Variants in SCHIP1 observed in about 807,000 individuals in gnomAD.
The protein encoded by SCHIP1 is schwannomin interacting protein 1, also known as schwannomin-interacting protein 1.
A neutral mutation model predicts 29.7 loss-of-function variants in SCHIP1; 8 were observed. The ratio of observed to expected loss-of-function variants is 0.27; its 90% CI spans 0.16 to 0.49. The LOEUF (loss-of-function observed/expected upper bound fraction) is 0.49. Ranked by LOEUF, SCHIP1 falls within the 20% of genes least tolerant of loss-of-function variation. The pLI, the probability that SCHIP1 is intolerant of heterozygous loss-of-function variation, is 0.99. For missense variants in SCHIP1, 193 were observed against 294.6 expected, an observed-to-expected ratio of 0.66 and a Z score of 2.52; for synonymous variants, 76 against 94.9, an observed-to-expected ratio of 0.80 and a Z score of 1.16.
At chr3:159,397,821 G>C in the SCHIP1 span, among the ~76,000 whole-genome samples, 5 of 152,362 alleles carry the variant, frequency 3.3e-5, no homozygotes, top group African/African-American at 1.2e-4. Context: ...AAGGCAGGCA[G>C]GCAGGCCTCT....
At chr3:159,426,004 G>C in the SCHIP1 span, among the ~76,000 whole-genome samples, 1 of 152,084 alleles carries the variant, frequency 6.6e-6, no homozygotes, top group Non-Finnish European at 1.5e-5. Flanking sequence ...CAAGAACAAA[G>C]ACACAACATA....
At chr3:159,345,554 T>TCTCTCTCTC in the SCHIP1 span, among the ~76,000 whole-genome samples, 517 of 93,500 alleles carry the variant, frequency 5.5e-3, 7 homozygotes, top group African/African-American at 0.019. Flanking sequence ...GTGTCTCTCT[T>TCTCTCTCTC]TCTCTCTCTC....
chr3:159,679,656 G>C, the SCHIP1 span, among the ~76,000 whole-genome samples: 19 of 152,178 alleles, frequency 1.2e-4, no homozygotes, highest in African/African-American at 4.6e-4. Context: ...AAAAAGGGAG[G>C]GGGATTTTTT....
chr3:159,568,211 T>A, the SCHIP1 span, among the ~76,000 whole-genome samples: 1 of 152,086 alleles, frequency 6.6e-6, no homozygotes, highest in Non-Finnish European at 1.5e-5. Context: ...TGCTCTTGGG[T>A]TTTCTATGCT....
At chr3:159,399,695 G>GAGAT in the SCHIP1 span, among the ~76,000 whole-genome samples, 1 of 152,058 alleles carries the variant, frequency 6.6e-6, no homozygotes, top group African/African-American at 2.4e-5. Flanking sequence ...ATATATATTA[G>GAGAT]AGATAGGGTC....
At chr3:159,448,633 C>A in the SCHIP1 span, among the ~76,000 whole-genome samples, 308 of 152,126 alleles carry the variant, frequency 2.0e-3, 2 homozygotes, top group Non-Finnish European at 3.3e-3. Context: ...ACCAAGAGAA[C>A]TTTCTTTGCA....
At chr3:159,616,694 A>C in the SCHIP1 span, among the ~76,000 whole-genome samples, 1 of 152,174 alleles carries the variant, frequency 6.6e-6, no homozygotes, top group Admixed American at 6.5e-5. Context: ...AAATAACCCC[A>C]AAACCTTAAT....
the SCHIP1 span, among the ~76,000 whole-genome samples, chr3:159,391,546 C>G: frequency 6.6e-6 from 1 of 152,136 alleles, no homozygotes; most frequent in Non-Finnish European, 1.5e-5. Context: ...AAAACCATTC[C>G]TGCTACTCAA....
the SCHIP1 span, among the ~76,000 whole-genome samples, chr3:159,692,055 T>C: frequency 1.2e-4 from 17 of 138,704 alleles, no homozygotes; most frequent in African/African-American, 4.5e-4. Context: ...GGAGTCTCGC[T>C]CTGTCGCCCA....
chr3:159,861,791 A>T lies in SCHIP1; in HGVS notation c.31-4372A>T, dbSNP rs546465983. ...TCCCAAGGCTGTTTTAGGAGTGGAC[A>T]TGGTTCTGCCTGTCATAAGTGCAGC... On this transcript the variant is annotated intron_variant, in intron 1 of 6. Transcript: ENST00000445224. This position sits in a 1 kb window ranked among gnomAD's most constrained non-coding sequence, Gnocchi z 4.1. Among the ~76,000 whole-genome samples the T allele has an allele frequency of 6.6e-6, 1 of 152,180 alleles. No individual in the cohort carries two copies. Among genetic ancestry groups the T allele is most frequent in the Non-Finnish European group, 1.5e-5 (1 of 68,022 alleles).
At chr3:159,277,864 G>A in the SCHIP1 span, among the ~76,000 whole-genome samples, 7 of 151,618 alleles carry the variant, frequency 4.6e-5, no homozygotes, top group African/African-American at 1.5e-4. Flanking sequence ...GCAATGAGTC[G>A]AGATCATACC....
chr3:159,494,249 G>C, the SCHIP1 span, among the ~76,000 whole-genome samples: 6 of 152,070 alleles, frequency 3.9e-5, no homozygotes, highest in Admixed American at 6.6e-5. Flanking sequence ...AAATAACTAA[G>C]ATCAGAGCAG....
chr3:159,427,004 T>C, the SCHIP1 span, among the ~76,000 whole-genome samples: 4 of 152,158 alleles, frequency 2.6e-5, no homozygotes, highest in Non-Finnish European at 4.4e-5. Flanking sequence ...CTAAAAACTC[T>C]CAATAAATTA....
At chr3:159,778,953 G>A in the SCHIP1 span, among the ~76,000 whole-genome samples, 2 of 152,226 alleles carry the variant, frequency 1.3e-5, no homozygotes, top group African/African-American at 4.8e-5. Flanking sequence ...CATCTGGGCT[G>A]TGGACAGCCA....
chr3:159,499,983 A>G, the SCHIP1 span, among the ~76,000 whole-genome samples: 2 of 115,708 alleles, frequency 1.7e-5, no homozygotes, highest in African/African-American at 3.2e-5. Flanking sequence ...CCCTCATTTT[A>G]TACATTTTTT....
the SCHIP1 span, among the ~76,000 whole-genome samples, chr3:159,774,483 C>T: frequency 6.6e-6 from 1 of 152,306 alleles, no homozygotes; most frequent in East Asian, 1.9e-4. Flanking sequence ...TATCTGTTCT[C>T]ATTTATGCAT....
At chr3:159,457,389 T>C in the SCHIP1 span, among the ~76,000 whole-genome samples, 1 of 143,032 alleles carries the variant, frequency 7.0e-6, no homozygotes, top group Non-Finnish European at 1.5e-5. Flanking sequence ...ATGCTTGTGC[T>C]GTTTCTGTTT....
chr3:159,702,987 A>G, the SCHIP1 span, among the ~76,000 whole-genome samples: 5 of 152,204 alleles, frequency 3.3e-5, no homozygotes, highest in African/African-American at 9.6e-5. Flanking sequence ...TCCTTAAACA[A>G]TTGTCAGTAT....
At chr3:159,329,870 T>TTG in the SCHIP1 span, among the ~76,000 whole-genome samples, 1 of 146,456 alleles carries the variant, frequency 6.8e-6, no homozygotes, top group African/African-American at 2.6e-5. Context: ...ACCGTTAGTA[T>TTG]TTTTTTTTTT....
Sources: gnomAD v4.1 joint callset for allele counts (sites outside exome capture counted in the v4.1 genomes callset) on GRCh38, gnomAD v4.1.1 for gene constraint, Gnocchi (gnomAD v3.1) non-coding constraint, MANE v1.5 for transcripts, NCBI Gene and HGNC (gene_info 2026-07-23, HGNC 2026-07-21) for gene names.